SNX30: variants seen among roughly 807,000 people sequenced by gnomAD.
SNX30 encodes the protein sorting nexin family member 30.
In SNX30, 24 loss-of-function variants were observed where a neutral mutation model predicts 46.4. The ratio of observed to expected loss-of-function variants is 0.52; its 90% CI spans 0.37 to 0.73. The LOEUF (loss-of-function observed/expected upper bound fraction) is 0.73, where lower values mean the gene tolerates loss of function less well. SNX30 is among the 30% of genes least tolerant of loss of function. SNX30 has a pLI of 0.00. For missense variants in SNX30, 533 were observed against 555.7 expected (o/e 0.96, Z 0.41); for synonymous variants, 189 against 211.5 (o/e 0.89, Z 0.92).
At chr9:112,768,644 C>CTTTT (rs71384272) in intron 1 of SNX30, among the ~76,000 whole-genome samples, 1 of 46,232 alleles carries the variant, frequency 2.2e-5, no homozygotes, top group Non-Finnish European at 3.9e-5. Flanking sequence ...ATAATTCTTT[C>CTTTT]TTCTTTTTTT....
intron 6 of SNX30, among the ~76,000 whole-genome samples, chr9:112,846,107 G>C (rs1840937139): frequency 6.6e-6 from 1 of 152,022 alleles, no homozygotes; most frequent in Non-Finnish European, 1.5e-5. Flanking sequence ...AGTTAAGCAA[G>C]TCACATATGA....
intron 1 of SNX30, among the ~76,000 whole-genome samples, chr9:112,757,110 T>C (rs912582522): frequency 6.6e-6 from 1 of 152,216 alleles, no homozygotes; most frequent in Non-Finnish European, 1.5e-5. Context: ...CTCCTCCATA[T>C]CTGCTATTTT....
At chr9:112,778,002 C>T (rs1383488552) in intron 1 of SNX30, among the ~76,000 whole-genome samples, 1 of 152,034 alleles carries the variant, frequency 6.6e-6, no homozygotes, top group Non-Finnish European at 1.5e-5. Context: ...CTAGGTGTCT[C>T]TTGTATTTGG....
At chr9:112,768,324 A>G (rs1231783038) in intron 1 of SNX30, among the ~76,000 whole-genome samples, 1 of 152,192 alleles carries the variant, frequency 6.6e-6, no homozygotes, top group African/African-American at 2.4e-5. Flanking sequence ...GAACCTCGCT[A>G]CTTAATGTGT....
At chr9:112,798,132 T>C (rs867588290) in intron 1 of SNX30, among the ~76,000 whole-genome samples, 9,384 of 56,272 alleles carry the variant, frequency 0.17, 289 homozygotes, top group Non-Finnish European at 0.25. Context: ...TTTTTTTTTT[T>C]TTTTTTTTAT....
At chr9:112,860,654 A>G (rs935036737) in intron 7 of SNX30, among the ~76,000 whole-genome samples, 2 of 152,190 alleles carry the variant, frequency 1.3e-5, no homozygotes, top group African/African-American at 4.8e-5. Context: ...TCATGCTAAT[A>G]TGTAGTTTGG....
At chr9:112,822,531 G>GTT (rs1340146319) in intron 3 of SNX30, among the ~76,000 whole-genome samples, 1,652 of 34,248 alleles carry the variant, frequency 0.048, 42 homozygotes, top group Middle Eastern at 0.074. Flanking sequence ...TCCCTTTGCT[G>GTT]TTTTGTTTTG....
Position 112,852,219 on chromosome 9 carries a change from A to T in SNX30, c.1101+1274A>T, listed in dbSNP as rs547005367. The stretch of plus-strand genomic sequence containing the variant: ...GATTGCGCCTGTGAATGGCCACTGC[A>T]CCCCAGCCTGGGCAGCATAGGGAGA... On this transcript the variant is annotated intron_variant, in intron 7 of 8. Transcript: ENST00000374232. Among the ~76,000 whole-genome samples the T allele has an allele frequency of 2.0e-5, 3 of 151,022 alleles. No individual in the cohort carries two copies. The East Asian group carries it at 5.9e-4, about 30-fold the overall frequency.
rs1453982922 is a variant in SNX30, at chr9:112,868,797, G to C, written c.1268G>C (p.Trp423Ser). 6.2e-7 allele frequency: 1 copy of C among 1,614,074 alleles called. No individual in the cohort carries two copies. The highest frequency in any genetic ancestry group is 8.5e-7 in the Non-Finnish European group (1 of 1,179,948). Reference protein sequence around the residue: ...IQYYEKCLMAWESIIPLLQEK... With the variant: ...IQYYEKCLMASESIIPLLQEK... ...TTGTCGTTCCAGTGCCTCATGGCGTGGGAGTCGATTATTCCACTACTGCAG... is the reference window on the plus strand; with the variant it reads ...TTGTCGTTCCAGTGCCTCATGGCGTCGGAGTCGATTATTCCACTACTGCAG... Residue 423 changes from tryptophan to serine, a missense_variant, in exon 9 of 9, where the codon TGG becomes TCG. Physicochemically the swap from Trp to Ser is radical, Grantham distance 177 (BLOSUM62 -3). Coordinates refer to ENST00000374232, the MANE Select transcript of SNX30 (RefSeq NM_001012994.2).
Position 112,751,112 on chromosome 9 carries a change from C to T in SNX30, c.111C>T (p.Ser37=). The T allele has an allele frequency of 6.6e-7, 1 of 1,520,830 alleles. No individual in the cohort carries two copies. The highest frequency in any genetic ancestry group is 1.2e-5 in the South Asian group (1 of 81,024). The allele number at this position is 1,520,830 out of a possible 1,614,324, so 94.2% of individuals were successfully genotyped here. A position where few individuals can be genotyped will look rare whatever the true frequency, so the allele number is the denominator to read the frequency against. The change falls in exon 1 of 9, where the codon AGC becomes AGT. Residue 37 remains serine, a synonymous_variant. Transcript: ENST00000374232. ...SSSEEAVGGD[S]TPSPDLLMAR... Reference sequence around the variant, plus strand: ...GCGAGGAGGCCGTGGGTGGTGACAGCACGCCCAGCCCGGACCTGCTGATGG... The same window carrying T: ...GCGAGGAGGCCGTGGGTGGTGACAGTACGCCCAGCCCGGACCTGCTGATGG...
At chr9:112,831,761 T>C (rs1174271478) in intron 4 of SNX30, among the ~76,000 whole-genome samples, 1 of 152,238 alleles carries the variant, frequency 6.6e-6, no homozygotes, top group African/African-American at 2.4e-5. Flanking sequence ...AAACTCAAGT[T>C]GGTTGTCCAC....
rs1449492154 is a variant in SNX30, at chr9:112,780,175, A to G, written c.157-24601A>G. Among the ~76,000 whole-genome samples the G allele has an allele frequency of 2.0e-5, 3 of 152,170 alleles. No individual in the cohort carries two copies. The South Asian group carries it at 6.2e-4, about 32-fold the overall frequency. On this transcript the variant is annotated intron_variant, in intron 1 of 8. Coordinates refer to ENST00000374232, the MANE Select transcript of SNX30 (RefSeq NM_001012994.2). ...TGCGTGTTTTTGTGGCCATGCATAC[A>G]TGTCTGTATTTTTCTGTTTAAACAT... is the stretch of plus-strand genomic sequence containing the variant.
chr9:112,806,618 A>G (rs1002234403), intron 2 of SNX30, among the ~76,000 whole-genome samples: 1 of 152,142 alleles, frequency 6.6e-6, no homozygotes, highest in South Asian at 2.1e-4. Flanking sequence ...AAAATACTCA[A>G]GTTGTGTTTC....
chr9:112,752,187 T>C (rs1839289093), intron 1 of SNX30, among the ~76,000 whole-genome samples: 1 of 152,156 alleles, frequency 6.6e-6, no homozygotes. Context: ...TGAGAAAATA[T>C]AACCTGCCCT....
chr9:112,761,709 A>C (rs1588106539), intron 1 of SNX30, among the ~76,000 whole-genome samples: 1 of 152,272 alleles, frequency 6.6e-6, no homozygotes, highest in East Asian at 1.9e-4. Flanking sequence ...CGGGAAGCAC[A>C]TGTGCGAGTG....
chr9:112,865,428 C>T (rs2131508651), intron 8 of SNX30, among the ~76,000 whole-genome samples: 1 of 151,744 alleles, frequency 6.6e-6, no homozygotes, highest in East Asian at 2.0e-4. Flanking sequence ...CAAGACCAGC[C>T]TAGGCAATGT....
chr9:112,843,297 G>T lies in SNX30; in HGVS notation c.1014+4600G>T, dbSNP rs546410728. 4.6e-5 allele frequency among the ~76,000 whole-genome samples: 7 copies of T among 152,232 alleles called. No homozygotes were observed. The South Asian group carries it at 1.5e-3, about 32-fold the overall frequency. On this transcript the variant is annotated intron_variant, in intron 6 of 8. Transcript: ENST00000374232. ...ACATTGTACATCTTATTTTTAAGAG[G>T]TTTATCTATGTCAATACGCATGCTT...
At chr9:112,879,818 T>A, downstream of SNX30, 1 of 1,613,052 alleles carries the variant, frequency 6.2e-7, no homozygotes, top group Non-Finnish European at 8.5e-7. Flanking sequence ...TAGGCCACGA[T>A]GCTGTAAGAA....
intron 5 of SNX30, among the ~76,000 whole-genome samples, chr9:112,836,923 T>C (rs879086275): frequency 5.9e-5 from 9 of 152,202 alleles, no homozygotes; most frequent in African/African-American, 1.9e-4. Flanking sequence ...AGGGCCTGTA[T>C]TGATCCTTCC....
Sources: gnomAD v4.1 joint callset for allele counts (sites outside exome capture counted in the v4.1 genomes callset) on GRCh38, gnomAD v4.1.1 for gene constraint, MANE v1.5 for transcripts, NCBI Gene and HGNC (gene_info 2026-07-23, HGNC 2026-07-21) for gene names.